The following TAFA2 variants were observed in gnomAD, a reference collection of about 807,000 sequenced individuals.
TAFA2 encodes the protein chemokine-like protein TAFA-2.
TAFA2 carries 7 observed loss-of-function variants against 18.8 expected under a neutral mutation model. The ratio of observed to expected loss-of-function variants is 0.37; its 90% CI spans 0.21 to 0.70. The LOEUF (loss-of-function observed/expected upper bound fraction) is 0.70, where lower values mean the gene tolerates loss of function less well. Ranked by LOEUF, TAFA2 falls within the 30% of genes least tolerant of loss-of-function variation. The probability of loss-of-function intolerance (pLI) is 0.53; values close to 1 mark genes in which losing one functional copy is unlikely to be tolerated. For missense variants in TAFA2, 122 were observed against 158.1 expected (o/e 0.77, Z 1.23); for synonymous variants, 60 against 54.2 (o/e 1.11, Z -0.47).
rs536454611 is a variant in TAFA2, at chr12:61,882,930, A to T, written c.-1-15504T>A. Among the ~76,000 whole-genome samples, 71 of 152,308 alleles carry T rather than the reference A, an allele frequency of 4.7e-4. 1 individual carries two copies. The highest frequency in any genetic ancestry group is 1.7e-3 in the African/African-American group (71 of 41,574). ...ACTACCTCACAAGGTTGTTGCAAGG[A>T]TTAAAAAAGTGTCTCTCAAGTTTTA... On this transcript the variant is annotated intron_variant, in intron 1 of 4. Coordinates refer to ENST00000416284, the MANE Select transcript of TAFA2 (RefSeq NM_178539.5).
chr12:61,926,729 C>T (rs962157478), intron 1 of TAFA2, among the ~76,000 whole-genome samples: 3 of 152,148 alleles, frequency 2.0e-5, no homozygotes, highest in African/African-American at 7.2e-5. Context: ...AACAAAACCA[C>T]AGCCAATATC....
At chr12:61,741,748 C>T (rs912304605) in intron 4 of TAFA2, among the ~76,000 whole-genome samples, 3 of 152,090 alleles carry the variant, frequency 2.0e-5, no homozygotes, top group Admixed American at 2.0e-4. Context: ...AGCAAAGAGT[C>T]ATAATTTTTA....
At chr12:62,050,178 A>G (rs1216121624) in intron 1 of TAFA2, among the ~76,000 whole-genome samples, 4 of 152,186 alleles carry the variant, frequency 2.6e-5, no homozygotes. Flanking sequence ...TGGGCAAAGT[A>G]AATGCCTGAG....
intron 1 of TAFA2, among the ~76,000 whole-genome samples, chr12:62,248,686 A>G (rs1268676769): frequency 1.3e-5 from 2 of 152,004 alleles, no homozygotes; most frequent in East Asian, 3.9e-4. Context: ...AGCTCTCCAT[A>G]TCTCCTTCCA....
chr12:62,158,397 G>C (rs989905838), intron 1 of TAFA2, among the ~76,000 whole-genome samples: 1 of 152,160 alleles, frequency 6.6e-6, no homozygotes, highest in Non-Finnish European at 1.5e-5. Context: ...GTCTAAAAGG[G>C]AGAGAGTCTA....
intron 1 of TAFA2, among the ~76,000 whole-genome samples, chr12:61,907,652 G>T (rs993901378): frequency 2.6e-5 from 4 of 152,036 alleles, no homozygotes; most frequent in Non-Finnish European, 4.4e-5. Flanking sequence ...GTGAGAAGAG[G>T]GCCACCATCT....
intron 1 of TAFA2, among the ~76,000 whole-genome samples, chr12:62,010,446 G>T (rs1406132944): frequency 1.3e-5 from 2 of 152,108 alleles, no homozygotes; most frequent in Admixed American, 1.3e-4. Context: ...ACGGAGTCTC[G>T]CTCACTCAAT....
At chr12:61,996,177 T>C (rs988121187) in intron 1 of TAFA2, among the ~76,000 whole-genome samples, 4 of 152,176 alleles carry the variant, frequency 2.6e-5, no homozygotes, top group African/African-American at 7.2e-5. Flanking sequence ...ACACTTGCTA[T>C]ATACAGTGCA....
At chr12:61,825,871 T>G (rs1466448295) in intron 2 of TAFA2, among the ~76,000 whole-genome samples, 1 of 152,086 alleles carries the variant, frequency 6.6e-6, no homozygotes, top group Non-Finnish European at 1.5e-5. Context: ...TAGGGAAAAT[T>G]AATGGAATAA....
At chr12:61,853,753 T>G (rs1873773314) in intron 2 of TAFA2, among the ~76,000 whole-genome samples, 1 of 152,100 alleles carries the variant, frequency 6.6e-6, no homozygotes, top group Non-Finnish European at 1.5e-5. Flanking sequence ...ATTGGAGGGT[T>G]TTTTTGTTTT....
At chr12:61,813,700 T>C (rs1871965257) in intron 2 of TAFA2, among the ~76,000 whole-genome samples, 2 of 151,528 alleles carry the variant, frequency 1.3e-5, no homozygotes, top group South Asian at 4.1e-4. Context: ...TAGTGTAATA[T>C]AGAAATTAAG....
intron 1 of TAFA2, among the ~76,000 whole-genome samples, chr12:62,120,457 T>A (rs1870142731): frequency 6.6e-6 from 1 of 152,238 alleles, no homozygotes; most frequent in Admixed American, 6.5e-5. Flanking sequence ...TTTCCAGACA[T>A]GCTTCAGACT....
At chr12:61,935,855 T>TA (rs559193679) in intron 1 of TAFA2, among the ~76,000 whole-genome samples, 2,073 of 148,076 alleles carry the variant, frequency 0.014, 54 homozygotes, top group African/African-American at 0.047. Flanking sequence ...AATCAGTAAT[T>TA]AAAAAAAAAA....
chr12:62,031,676 C>T (rs776986991), intron 1 of TAFA2, among the ~76,000 whole-genome samples: 1 of 152,142 alleles, frequency 6.6e-6, no homozygotes, highest in Non-Finnish European at 1.5e-5. Flanking sequence ...TATATATATA[C>T]ACTTTGAGAA....
At chr12:61,851,385 A>G (rs1170566168) in intron 2 of TAFA2, among the ~76,000 whole-genome samples, 1 of 152,196 alleles carries the variant, frequency 6.6e-6, no homozygotes, top group East Asian at 1.9e-4. Flanking sequence ...ATTGCCAAAA[A>G]GAAGCTCTGG....
intron 2 of TAFA2, among the ~76,000 whole-genome samples, chr12:61,765,209 C>G (rs535209680): frequency 1.3e-5 from 2 of 152,198 alleles, no homozygotes; most frequent in South Asian, 4.1e-4. Flanking sequence ...CCCACTCTCT[C>G]TCTTCTCCTT....
intron 1 of TAFA2, among the ~76,000 whole-genome samples, chr12:61,885,177 C>T (rs1317413713): frequency 6.6e-6 from 1 of 152,136 alleles, no homozygotes; most frequent in Non-Finnish European, 1.5e-5. Context: ...TCAGAGCACA[C>T]CCAAAAGGGA....
At chr12:61,887,613 T>C (rs1434374463) in intron 1 of TAFA2, among the ~76,000 whole-genome samples, 1 of 122,024 alleles carries the variant, frequency 8.2e-6, no homozygotes, top group East Asian at 2.6e-4. Flanking sequence ...GTCCCCAGAG[T>C]GTGATGTTCC....
At chr12:61,768,200 AAAAT>A (rs1364010698) in intron 2 of TAFA2, among the ~76,000 whole-genome samples, 2 of 152,164 alleles carry the variant, frequency 1.3e-5, no homozygotes, top group African/African-American at 4.8e-5. Flanking sequence ...CACAAAAACT[AAAAT>A]AAATTATCCA....
Sources: gnomAD v4.1 joint callset for allele counts (sites outside exome capture counted in the v4.1 genomes callset) on GRCh38, gnomAD v4.1.1 for gene constraint, MANE v1.5 for transcripts, NCBI Gene and HGNC (gene_info 2026-07-23, HGNC 2026-07-21) for gene names.